The following TAX1BP1 variants were observed in gnomAD, a reference collection of about 807,000 sequenced individuals.
TAX1BP1 encodes tax1-binding protein 1.
In TAX1BP1, 62 loss-of-function variants were observed where a neutral mutation model predicts 97.7. That is an observed-to-expected ratio of 0.63 (90% CI 0.52 to 0.78). The LOEUF is 0.78. TAX1BP1 is among the 30% of genes least tolerant of loss of function. The pLI, the probability that TAX1BP1 is intolerant of heterozygous loss-of-function variation, is 0.00. For missense variants in TAX1BP1, 867 were observed against 916.1 expected (o/e 0.95, Z 0.69); for synonymous variants, 340 against 304.2 (o/e 1.12, Z -1.23).
chr7:27,824,944 GATA>G (rs1219385996), intron 15 of TAX1BP1, among the ~76,000 whole-genome samples: 3 of 152,150 alleles, frequency 2.0e-5, no homozygotes, highest in African/African-American at 7.2e-5. Flanking sequence ...ACTAGGTGGT[GATA>G]TTTTAAAATG....
At chr7:27,822,152 G>T (rs917597727) in intron 15 of TAX1BP1, among the ~76,000 whole-genome samples, 1 of 152,172 alleles carries the variant, frequency 6.6e-6, no homozygotes, top group Non-Finnish European at 1.5e-5. Context: ...CAAGCGTAAT[G>T]AAGTATTACA....
At chr7:27,759,856 T>G (rs1015368876) in intron 3 of TAX1BP1, among the ~76,000 whole-genome samples, 2 of 138,462 alleles carry the variant, frequency 1.4e-5, no homozygotes, top group African/African-American at 5.5e-5. Flanking sequence ...TTTGTAAATC[T>G]TTTTTTTTTT....
At chr7:27,747,066 A>C (rs1216389819) in intron 1 of TAX1BP1, among the ~76,000 whole-genome samples, 1 of 152,180 alleles carries the variant, frequency 6.6e-6, no homozygotes, top group Non-Finnish European at 1.5e-5. Context: ...CTCTGTAGAA[A>C]CTTCATTGAT....
At chr7:27,790,985 A>C (rs1028400409) in intron 8 of TAX1BP1, among the ~76,000 whole-genome samples, 1 of 152,068 alleles carries the variant, frequency 6.6e-6, no homozygotes, top group African/African-American at 2.4e-5. Flanking sequence ...TTGTATGTTC[A>C]TGACTTTTGA....
chr7:27,827,089 C>T (rs1468638290), intron 15 of TAX1BP1, among the ~76,000 whole-genome samples: 1 of 152,170 alleles, frequency 6.6e-6, no homozygotes, highest in Non-Finnish European at 1.5e-5. Flanking sequence ...CAGCGGCTCA[C>T]GCCTGAAATC....
chr7:27,809,508 A>G (rs988005626), intron 13 of TAX1BP1, among the ~76,000 whole-genome samples: 3 of 152,236 alleles, frequency 2.0e-5, no homozygotes, highest in African/African-American at 7.2e-5. Context: ...TGCAAGTTTA[A>G]GAACCTTCTC....
chr7:27,748,707 T>C lies in TAX1BP1; in HGVS notation c.162+21T>C. 2.0e-6 allele frequency: 3 copies of C among 1,483,338 alleles called. 1 individual carries two copies. The South Asian group carries it at 4.5e-5, about 22-fold the overall frequency. 91.9% of individuals were successfully genotyped at this position (1,483,338 alleles called of 1,614,324 possible). ...TCAAGGTAAGAAAGCTTTCTGAATATGTTCTCCATGTAAACACTTAAAATT... is the reference window on the plus strand; with the variant it reads ...TCAAGGTAAGAAAGCTTTCTGAATACGTTCTCCATGTAAACACTTAAAATT... On this transcript the variant is annotated intron_variant, in intron 2 of 16. Transcript: ENST00000396319.
chr7:27,759,171 A>G (rs1266433099), intron 3 of TAX1BP1, among the ~76,000 whole-genome samples: 1 of 152,172 alleles, frequency 6.6e-6, no homozygotes, highest in Admixed American at 6.5e-5. Flanking sequence ...ATTTTAATGT[A>G]TATAAAATAA....
intron 11 of TAX1BP1, among the ~76,000 whole-genome samples, chr7:27,794,753 A>C (rs527687684): frequency 3.3e-5 from 5 of 152,324 alleles, no homozygotes; most frequent in Middle Eastern, 3.4e-3. Flanking sequence ...AAAAGCCACG[A>C]ATTGAATTTT....
chr7:27,762,545 T>C (rs1464176915), intron 3 of TAX1BP1, among the ~76,000 whole-genome samples: 3 of 152,158 alleles, frequency 2.0e-5, no homozygotes, highest in African/African-American at 7.2e-5. Context: ...AAAAAATTTA[T>C]TCAATTTGTT....
In TAX1BP1 at chr7:27,816,965, A is replaced by T. The variant is rs772896276; in HGVS notation, c.2012A>T (p.Asp671Val). 3 of 1,613,984 alleles carry T rather than the reference A, an allele frequency of 1.9e-6. No homozygotes were observed. Among genetic ancestry groups the T allele is most frequent in the Non-Finnish European group, 2.5e-6 (3 of 1,180,000 alleles). Reference sequence around the variant, plus strand: ...AGAGTCCCCTCTTGGGGACTGGAAGACAATGTTGTCTGCAGCCAGCCTGCT... The same window carrying T: ...AGAGTCCCCTCTTGGGGACTGGAAGTCAATGTTGTCTGCAGCCAGCCTGCT... Reference protein sequence around the residue: ...PVRVPSWGLEDNVVCSQPARN... With the variant: ...PVRVPSWGLEVNVVCSQPARN... The change falls in exon 15 of 17, where the codon GAC becomes GTC. Residue 671 changes from aspartate (D) to valine (V), a missense_variant. By Grantham distance (152) the Asp-to-Val change is radical. Coordinates refer to ENST00000396319, the MANE Select transcript of TAX1BP1 (RefSeq NM_006024.7).
intron 8 of TAX1BP1, among the ~76,000 whole-genome samples, chr7:27,787,854 A>C (rs889287562): frequency 6.6e-6 from 1 of 152,048 alleles, no homozygotes. Flanking sequence ...AATTTACTCT[A>C]AATACTTTAG....
chr7:27,760,973 A>G (rs1788405637), intron 3 of TAX1BP1, among the ~76,000 whole-genome samples: 1 of 152,212 alleles, frequency 6.6e-6, no homozygotes, highest in African/African-American at 2.4e-5. Flanking sequence ...GTTATGTAGA[A>G]GTTTGGGAAC....
intron 1 of TAX1BP1, among the ~76,000 whole-genome samples, chr7:27,744,591 A>C (rs1235812105): frequency 1.3e-5 from 2 of 152,196 alleles, no homozygotes; most frequent in Non-Finnish European, 2.9e-5. Context: ...TCATATGTTT[A>C]ATGTACAGAA....
intron 15 of TAX1BP1, among the ~76,000 whole-genome samples, chr7:27,819,800 T>C (rs1300652948): frequency 6.6e-6 from 1 of 152,228 alleles, no homozygotes; most frequent in Non-Finnish European, 1.5e-5. Context: ...GGAGACCAAC[T>C]CTAATGAATA....
intron 12 of TAX1BP1, among the ~76,000 whole-genome samples, chr7:27,799,410 C>T (rs1236464882): frequency 4.6e-5 from 7 of 152,136 alleles, no homozygotes; most frequent in Non-Finnish European, 1.0e-4. Context: ...TAAAAATTAT[C>T]TTGGTCAGCA....
At chr7:27,769,301 G>T (rs190686300) in intron 4 of TAX1BP1, among the ~76,000 whole-genome samples, 1 of 152,064 alleles carries the variant, frequency 6.6e-6, no homozygotes, top group Admixed American at 6.5e-5. Context: ...TTGCATTCAA[G>T]AAGAGGTACA....
chr7:27,779,749 G>A (rs555053212), intron 5 of TAX1BP1, among the ~76,000 whole-genome samples: 2 of 152,126 alleles, frequency 1.3e-5, no homozygotes, highest in African/African-American at 4.8e-5. Context: ...CTGGGGAGGG[G>A]ATCGCAGATT....
chr7:27,745,309 C>T (rs756989429), intron 1 of TAX1BP1, among the ~76,000 whole-genome samples: 26 of 152,180 alleles, frequency 1.7e-4, no homozygotes, highest in Non-Finnish European at 3.8e-4. Context: ...TCTCCACTCC[C>T]GTGCGACCTT....
Sources: allele counts gnomAD v4.1 joint callset (sites outside exome capture counted in the v4.1 genomes callset), GRCh38; gene constraint gnomAD v4.1.1; transcripts MANE v1.5; gene names NCBI Gene and HGNC (gene_info 2026-07-23, HGNC 2026-07-21).